The following IMPDH2 variants were observed in gnomAD, a reference collection of about 807,000 sequenced individuals.
The protein encoded by IMPDH2 is inosine-5'-monophosphate dehydrogenase 2.
A neutral mutation model predicts 57.8 loss-of-function variants in IMPDH2; 33 were observed. The observed-to-expected ratio is 0.57, with a 90% CI of 0.43 to 0.76. The LOEUF (loss-of-function observed/expected upper bound fraction) is 0.76. Ranked by LOEUF, IMPDH2 falls within the 30% of genes least tolerant of loss-of-function variation. The pLI is 0.00. For synonymous variants in IMPDH2, 270 were observed against 241.3 expected, an observed-to-expected ratio of 1.12 and a Z score of -1.10; for missense variants, 446 against 659.1, an observed-to-expected ratio of 0.68 and a Z score of 3.54.
chr3:49,027,940 G>C, intron 4 of IMPDH2, 24 bp from the exon 5 acceptor site: 2 of 1,554,050 alleles, frequency 1.3e-6, no homozygotes, highest in Middle Eastern at 1.8e-4. Context: ...GTGAGAAAGG[G>C]CATCGCATCT....
chr3:49,026,194 C>T (rs2093198029), intron 9 of IMPDH2, 130 bp downstream of exon 9: 1 of 724,698 alleles, frequency 1.4e-6, no homozygotes, highest in Non-Finnish European at 2.5e-6. Context: ...GTCACCCATC[C>T]AAGAGGCCAA....
In IMPDH2 at chr3:49,024,745, C is replaced by T; in HGVS notation, c.1353G>A (p.Gly451=). ...GGTAAGGGACAAATTTGTGGATTGA[C>T]CCTTTGTCCTGCACAGCACCAGACA... is the stretch of plus-strand genomic sequence containing the variant. ...QGVSGAVQDK[G]SIHKFVPYLI... The change falls in exon 12 of 14, where the codon GGG becomes GGA. Residue 451 remains glycine (G), a synonymous_variant. Coordinates refer to ENST00000326739, the MANE Select transcript of IMPDH2 (RefSeq NM_000884.3). The T allele has an allele frequency of 6.2e-7, 1 of 1,614,130 alleles. No homozygotes were observed. Among genetic ancestry groups the T allele is most frequent in the Non-Finnish European group, 8.5e-7 (1 of 1,180,026 alleles).
In IMPDH2 at chr3:49,029,312, C is replaced by A. The variant is rs1266849708; in HGVS notation, c.39G>T (p.Val13=). Residue 13 remains valine (V), a synonymous_variant, in exon 1 of 14, where the codon GTG becomes GTT. Transcript: ENST00000326739. ...DYLISGGTSY[V]PDDGLTAQQL... ...GCTGTGCTGTGAGTCCGTCGTCTGG[C>A]ACGTAGGACGTGCCCCCACTAATCA... 6.2e-7 allele frequency: 1 copy of A among 1,606,846 alleles called. No homozygotes were observed. Among genetic ancestry groups the A allele is most frequent in the South Asian group, 1.1e-5 (1 of 89,776 alleles).
At chr3:49,026,468 C>T (rs774273903) in intron 8 of IMPDH2, 49 bp from the exon 9 acceptor site, 1 of 1,597,812 alleles carries the variant, frequency 6.3e-7, no homozygotes, top group Non-Finnish European at 8.6e-7. Flanking sequence ...AGGTGGGAGC[C>T]CAGCTTACCC....
At position 49,027,721 on chromosome 3, in the gene IMPDH2, A is replaced by G; in HGVS notation, c.520T>C (p.Phe174Leu). The G allele has an allele frequency of 6.2e-7, 1 of 1,614,140 alleles. No individual in the cohort carries two copies. Among genetic ancestry groups the G allele is most frequent in the Non-Finnish European group, 8.5e-7 (1 of 1,179,980 alleles). ...CCAGTGGCACCCACCTCTTCCAAGA[A>G]ACAGTCATGTTCCTCCTCTTTGAGA... The part of the protein sequence containing the change: ...DFLKEEEHDC[F>L]LEEIMTKRED... The change falls in exon 5 of 14, where the codon TTC becomes CTC. Residue 174 changes from phenylalanine (F) to leucine (L), a missense_variant. Physicochemically the swap from Phe to Leu is conservative, Grantham distance 22 (BLOSUM62 0). Transcript: ENST00000326739.
chr3:49,029,020 CAT>C, intron 1 of IMPDH2: 1 of 648,222 alleles, frequency 1.5e-6, no homozygotes. Context: ...CTGACAATTC[CAT>C]GTGTCTGGAG....
At chr3:49,025,935 T>C in intron 9 of IMPDH2, 1 of 462,430 alleles carries the variant, frequency 2.2e-6, no homozygotes. Flanking sequence ...TACAGCTACG[T>C]CAACCAAGCA....
In IMPDH2 at chr3:49,027,854, A is replaced by G; in HGVS notation, c.387T>C (p.Asp129=). The G allele has an allele frequency of 6.2e-7, 1 of 1,614,194 alleles. No individual in the cohort carries two copies. The highest frequency in any genetic ancestry group is 8.5e-7 in the Non-Finnish European group (1 of 1,180,032). ...VVLSPKDRVR[D]VFEAKARHGF... ...CATGCCGGGCCTTGGCCTCAAAAAC[A>G]TCCCGCACGCGATCCTTGGGGCTGA... The change falls in exon 5 of 14, where the codon GAT becomes GAC. Residue 129 remains aspartate, a synonymous_variant. Coordinates refer to ENST00000326739, the MANE Select transcript of IMPDH2 (RefSeq NM_000884.3).
Position 49,029,321 on chromosome 3 carries a change from C to G in IMPDH2, c.30G>C (p.Thr10=). The G allele has an allele frequency of 1.2e-6, 2 of 1,604,770 alleles. No individual in the cohort carries two copies. The highest frequency in any genetic ancestry group is 1.7e-6 in the Non-Finnish European group (2 of 1,175,966). ...TGAGTCCGTCGTCTGGCACGTAGGA[C>G]GTGCCCCCACTAATCAGGTAGTCGG... MADYLISGG[T]SYVPDDGLTA... The change falls in exon 1 of 14, where the codon ACG becomes ACC. Residue 10 remains threonine, a synonymous_variant. Coordinates refer to ENST00000326739, the MANE Select transcript of IMPDH2 (RefSeq NM_000884.3).
chr3:49,027,168 G>T, intron 5 of IMPDH2, 121 bp from the exon 6 acceptor site: 1 of 770,894 alleles, frequency 1.3e-6, no homozygotes. Flanking sequence ...CTAATTTTTT[G>T]TATTTTTAGT....
chr3:49,027,654 C>T, intron 5 of IMPDH2, 56 bp downstream of exon 5: 1 of 1,437,104 alleles, frequency 7.0e-7, no homozygotes, highest in Admixed American at 1.7e-5. Flanking sequence ...AACAGAAGCC[C>T]CTTGTCTTCA....
chr3:49,026,066 A>C (rs1272799371), intron 9 of IMPDH2: 1 of 590,350 alleles, frequency 1.7e-6, no homozygotes, highest in South Asian at 1.5e-5. Context: ...CTTGGGAGCC[A>C]CTAAATAAAA....
chr3:49,025,024 G>A lies in IMPDH2; in HGVS notation c.1167C>T (p.Leu389=), dbSNP rs914226268. The stretch of plus-strand genomic sequence containing the variant: ...CAGGGGCCTCAGTGGTGGCAGCCAG[G>A]AGAGAGCCCATCATGACTGCGGACA... ...LGASTVMMGS[L]LAATTEAPGE... is the part of the protein sequence containing the mutation. The change falls in exon 11 of 14, where the codon CTC becomes CTT. Residue 389 remains leucine (L), a synonymous_variant. Transcript: ENST00000326739. 6.2e-7 allele frequency: 1 copy of A among 1,614,242 alleles called. No individual in the cohort carries two copies. The highest frequency in any genetic ancestry group is 8.5e-7 in the Non-Finnish European group (1 of 1,180,048).
Position 49,028,565 on chromosome 3 carries a change from G to A in IMPDH2, c.148-33C>T, listed in dbSNP as rs188724031. ...GACAAACGTCAACCAGTGTGGGAAA[G>A]CATCCCTTACACCTCAAGGTGTTAC... On this transcript the variant is annotated intron_variant, in intron 2 of 13. Transcript: ENST00000326739. 6.2e-4 allele frequency: 970 copies of A among 1,556,568 alleles called. 2 individuals are homozygous for A. The highest frequency in any genetic ancestry group is 6.3e-4 in the Non-Finnish European group (709 of 1,128,022).
At position 49,024,536 on chromosome 3, in the gene IMPDH2, C is replaced by T. The variant is rs188516490; in HGVS notation, c.1482G>A (p.Thr494=). The stretch of plus-strand genomic sequence containing the variant: ...CGCCACCTTCCACCTGGGCTGAGGA[C>T]GTTCTCTTCTCAAACTTAAGCTCCC... ...YSGELKFEKR[T]SSAQVEGGVH... is the part of the protein sequence containing the mutation. Residue 494 remains threonine, a synonymous_variant, in exon 13 of 14, where the codon ACG becomes ACA. Transcript: ENST00000326739. 4 of 1,614,146 alleles carry T rather than the reference C, an allele frequency of 2.5e-6. No homozygotes were observed. Among genetic ancestry groups the T allele is most frequent in the East Asian group, 2.2e-5 (1 of 44,882 alleles).
Position 49,028,479 on chromosome 3 carries a change from G to A in IMPDH2, c.201C>T (p.Ser67=). 1 of 1,614,178 alleles carries A rather than the reference G, an allele frequency of 6.2e-7. No individual in the cohort carries two copies. Among genetic ancestry groups the A allele is most frequent in the Non-Finnish European group, 8.5e-7 (1 of 1,180,022 alleles). The change falls in exon 3 of 14, where the codon TCC becomes TCT. Residue 67 remains serine (S), a synonymous_variant. Transcript: ENST00000326739. The stretch of plus-strand genomic sequence containing the variant: ...CCTCTGTGACTGTGTCCATGGGAGA[G>A]GAAACCAGTGGGGTCTTAAGAGTGA... ...KKITLKTPLV[S]SPMDTVTEAG... is the part of the protein sequence containing the mutation.
chr3:49,025,314 C>T (rs368327274), intron 9 of IMPDH2, 45 bp from the exon 10 acceptor site: 104 of 1,610,302 alleles, frequency 6.5e-5, no homozygotes, highest in Middle Eastern at 3.3e-4. Flanking sequence ...TTAATGGGGA[C>T]GGGCAGTGGA....
At position 49,024,944 on chromosome 3, in the gene IMPDH2, G is replaced by C; in HGVS notation, c.1247C>G (p.Ser416Cys). The C allele has an allele frequency of 6.2e-7, 1 of 1,614,198 alleles. No homozygotes were observed. The highest frequency in any genetic ancestry group is 8.5e-7 in the Non-Finnish European group (1 of 1,180,044). ...IRLKKYRGMGSLDAMDKHLSS... is the reference protein window; with the variant it reads ...IRLKKYRGMGCLDAMDKHLSS... Reference sequence around the variant, plus strand: ...GAGGTGCTTGTCCATGGCATCGAGAGAACCCATACCGCGATATTTCTTTAG... The same window carrying C: ...GAGGTGCTTGTCCATGGCATCGAGACAACCCATACCGCGATATTTCTTTAG... Residue 416 changes from serine (S) to cysteine (C), a missense_variant, in exon 11 of 14, where the codon TCT (serine) becomes TGT (cysteine). Transcript: ENST00000326739.
In IMPDH2 at chr3:49,027,820, C is replaced by T. The variant is rs756498695; in HGVS notation, c.421G>A (p.Gly141Ser). ...FEAKARHGFC[G>S]IPITDTGRMG... ...CGGCCTGTGTCTGTGATTGGGATAC[C>T]GCAGAAACCATGCCGGGCCTTGGCC... Residue 141 changes from glycine (G) to serine (S), a missense_variant, in exon 5 of 14, where the codon GGT (glycine) becomes AGT (serine). Physicochemically the swap from Gly to Ser is moderately conservative, Grantham distance 56. Transcript: ENST00000326739. 3.7e-6 allele frequency: 6 copies of T among 1,614,196 alleles called. No individual in the cohort carries two copies. The highest frequency in any genetic ancestry group is 2.2e-5 in the East Asian group (1 of 44,890).
Sources: gnomAD v4.1 joint callset for allele counts on GRCh38, gnomAD v4.1.1 for gene constraint, MANE v1.5 for transcripts, NCBI Gene and HGNC (gene_info 2026-07-23, HGNC 2026-07-21) for gene names.